METTL5: variants seen among roughly 807,000 people sequenced by gnomAD.
METTL5 encodes the protein methyltransferase 5, N6-adenosine.
METTL5 carries 28 observed loss-of-function variants against 26.5 expected under a neutral mutation model. The observed-to-expected ratio is 1.06, with a 90% CI of 0.78 to 1.45. The LOEUF is 1.45. METTL5 is among the 40% of genes most tolerant of loss of function. The probability of loss-of-function intolerance (pLI) is 0.00; values close to 1 mark genes in which losing one functional copy is unlikely to be tolerated. For missense variants in METTL5, 231 were observed against 249.9 expected, an observed-to-expected ratio of 0.92 and a Z score of 0.51; for synonymous variants, 86 against 82.6, an observed-to-expected ratio of 1.04 and a Z score of -0.22.
chr2:169,820,906 T>G (rs925955265), intron 3 of METTL5, among the ~76,000 whole-genome samples, 186 bp downstream of exon 3: 1 of 151,762 alleles, frequency 6.6e-6, no homozygotes. Flanking sequence ...TGTGTGTGTG[T>G]GTGGGTAGAG....
At chr2:169,813,447 A>T (rs1690046959) in intron 5 of METTL5, among the ~76,000 whole-genome samples, 1 of 151,924 alleles carries the variant, frequency 6.6e-6, no homozygotes, top group Non-Finnish European at 1.5e-5. Context: ...TTTATTTCTA[A>T]CAAGGAAATC....
rs922430208 is a variant in METTL5, at chr2:169,824,312, G to A, written c.109+177C>T. On this transcript the variant is annotated intron_variant, in intron 1 of 6. Transcript: ENST00000260953. ...TAGACAGTAAAATGATAGTGTGTATGTCTGTGGAGGGTGTGCCTTGAGCTG... is the reference window on the plus strand; with the variant it reads ...TAGACAGTAAAATGATAGTGTGTATATCTGTGGAGGGTGTGCCTTGAGCTG... 17 of 590,356 alleles carry A rather than the reference G, an allele frequency of 2.9e-5. No homozygotes were observed. The East Asian group carries it at 3.6e-4, about 13-fold the overall frequency. 36.6% of individuals were successfully genotyped at this position (590,356 alleles called of 1,614,324 possible). A position where few individuals can be genotyped will look rare whatever the true frequency, so the allele number is the denominator to read the frequency against.
chr2:169,813,876 AAAAC>A (rs1325171986), intron 5 of METTL5, among the ~76,000 whole-genome samples: 1 of 152,002 alleles, frequency 6.6e-6, no homozygotes, highest in Non-Finnish European at 1.5e-5. Flanking sequence ...AAACAACAAA[AAAAC>A]ACCCCTACTG....
chr2:169,812,009 G>C, intron 6 of METTL5, 151 bp from the exon 7 acceptor site: 1 of 827,446 alleles, frequency 1.2e-6, no homozygotes, highest in Non-Finnish European at 1.9e-6. Context: ...TGTAATATGA[G>C]AATGTATTAG....
At chr2:169,812,635 T>A in intron 5 of METTL5, 129 bp from the exon 6 acceptor site, 1 of 994,064 alleles carries the variant, frequency 1.0e-6, no homozygotes, top group Non-Finnish European at 1.5e-6. Flanking sequence ...TTAGAACCTT[T>A]AACTTATCCA....
chr2:169,816,735 G>T (rs2105715560), intron 4 of METTL5, among the ~76,000 whole-genome samples: 1 of 152,304 alleles, frequency 6.6e-6, no homozygotes. Flanking sequence ...GGGAAAACTG[G>T]CTAGCCATAT....
chr2:169,812,937 A>AT (rs1690021228), intron 5 of METTL5: 1 of 155,320 alleles, frequency 6.4e-6, no homozygotes, highest in Admixed American at 6.5e-5. Flanking sequence ...CCAGTTTTTC[A>AT]TATTTCTTCC....
Position 169,815,531 on chromosome 2 carries a change from G to A in METTL5, c.490-3C>T, listed in dbSNP as rs1271908748. 6 of 1,593,334 alleles carry A rather than the reference G, an allele frequency of 3.8e-6. No individual in the cohort carries two copies. Among genetic ancestry groups the A allele is most frequent in the Non-Finnish European group, 5.1e-6 (6 of 1,165,324 alleles). ...TCTGCAGCTTTCTTTTGAACATGCTGAACATAAATAATATGTTGTTATGAG... is the reference window on the plus strand; with the variant it reads ...TCTGCAGCTTTCTTTTGAACATGCTAAACATAAATAATATGTTGTTATGAG... On this transcript the variant is annotated splice_region_variant and splice_polypyrimidine_tract_variant and intron_variant, in intron 4 of 6. Coordinates refer to ENST00000260953, the MANE Select transcript of METTL5 (RefSeq NM_014168.4).
intron 4 of METTL5, 138 bp from the exon 5 acceptor site, chr2:169,815,666 A>G: frequency 1.7e-6 from 1 of 572,996 alleles, no homozygotes; most frequent in Non-Finnish European, 3.0e-6. Context: ...ATTTCAATTG[A>G]ATGGATAGTA....
intron 4 of METTL5, among the ~76,000 whole-genome samples, chr2:169,815,936 T>C (rs1329871924): frequency 6.6e-6 from 1 of 152,194 alleles, no homozygotes. Context: ...AAGAATACCA[T>C]TGTGTTACAA....
intron 5 of METTL5, chr2:169,812,760 G>A: frequency 3.0e-6 from 1 of 335,716 alleles, no homozygotes; most frequent in Non-Finnish European, 5.3e-6. Flanking sequence ...GATAAACAGT[G>A]GACGAAAAAG....
chr2:169,812,479 T>G lies in METTL5; in HGVS notation c.569A>C (p.Tyr190Ser). Residue 190 changes from tyrosine (Y) to serine (S), a missense_variant, in exon 6 of 7, where the codon TAC becomes TCC. Coordinates refer to ENST00000260953, the MANE Select transcript of METTL5 (RefSeq NM_014168.4). The stretch of plus-strand genomic sequence containing the variant: ...TACTGATTTCTTTTTGTGAAACTTG[T>G]ATGATGCTGGCAGGTCATATCGAAG... ...AELRYDLPASYKFHKKKSVDI... is the reference protein window; with the variant it reads ...AELRYDLPASSKFHKKKSVDI... The G allele has an allele frequency of 5.0e-6, 8 of 1,614,140 alleles. No homozygotes were observed. The highest frequency in any genetic ancestry group is 6.8e-6 in the Non-Finnish European group (8 of 1,180,018).
chr2:169,819,687 A>C, intron 3 of METTL5, 44 bp from the exon 4 acceptor site: 1 of 1,326,720 alleles, frequency 7.5e-7, no homozygotes, highest in Non-Finnish European at 1.1e-6. Context: ...TCTTCTCAAA[A>C]CAGAAGATTA....
chr2:169,821,458 G>C (rs1447886155), intron 2 of METTL5, among the ~76,000 whole-genome samples, 185 bp from the exon 3 acceptor site: 1 of 151,296 alleles, frequency 6.6e-6, no homozygotes, highest in Non-Finnish European at 1.5e-5. Context: ...ACCCAGGTGA[G>C]TGTAGTGGTG....
chr2:169,815,823 A>G (rs917839644), intron 4 of METTL5, among the ~76,000 whole-genome samples: 1 of 152,232 alleles, frequency 6.6e-6, no homozygotes, highest in South Asian at 2.1e-4. Flanking sequence ...GTCCCATAAA[A>G]TTATAAATGG....
chr2:169,821,435 A>C (rs546223134), intron 2 of METTL5, among the ~76,000 whole-genome samples, 162 bp from the exon 3 acceptor site: 36 of 150,700 alleles, frequency 2.4e-4, no homozygotes, highest in Non-Finnish European at 3.2e-4. Context: ...TTCAGACAGG[A>C]TCTTGCTGTG....
At chr2:169,821,913 T>A (rs1040838433) in intron 2 of METTL5, 30 bp downstream of exon 2, 2 of 1,599,386 alleles carry the variant, frequency 1.3e-6, no homozygotes, top group Admixed American at 1.7e-5. Context: ...AGCCACCCAA[T>A]ACCCAAATAG....
intron 4 of METTL5, among the ~76,000 whole-genome samples, chr2:169,818,180 A>G (rs2081537283): frequency 1.3e-5 from 2 of 152,304 alleles, no homozygotes; most frequent in South Asian, 4.1e-4. Context: ...CCCTAATAAA[A>G]GCCCTGGGCA....
intron 4 of METTL5, among the ~76,000 whole-genome samples, chr2:169,818,234 T>G (rs114991465): frequency 2.4e-4 from 36 of 152,328 alleles, no homozygotes; most frequent in African/African-American, 8.2e-4. Flanking sequence ...GTTTCACATG[T>G]GTTATCAATA....
Sources: allele counts gnomAD v4.1 joint callset (sites outside exome capture counted in the v4.1 genomes callset), GRCh38; gene constraint gnomAD v4.1.1; transcripts MANE v1.5; gene names NCBI Gene and HGNC (gene_info 2026-07-23, HGNC 2026-07-21).